The following CCDC91 variants were observed in gnomAD, a reference collection of about 807,000 sequenced individuals.
CCDC91 encodes the protein coiled-coil domain containing 91.
Under a neutral mutation model 63.2 loss-of-function variants are expected in CCDC91, and 48 were observed. The ratio of observed to expected loss-of-function variants is 0.76; its 90% CI spans 0.60 to 0.97. The LOEUF (loss-of-function observed/expected upper bound fraction) is 0.97. Among genes scored for constraint, CCDC91 ranks in the 50% least tolerant of loss-of-function variants. The pLI, the probability that CCDC91 is intolerant of heterozygous loss-of-function variation, is 0.00. For synonymous variants in CCDC91, 167 were observed against 165.8 expected (o/e 1.01, Z -0.06); for missense variants, 500 against 494.6 (o/e 1.01, Z -0.10).
chr12:28,258,968 CTAAT>C (rs1946640391), intron 2 of CCDC91, among the ~76,000 whole-genome samples: 2 of 151,926 alleles, frequency 1.3e-5, no homozygotes, highest in South Asian at 2.1e-4. Flanking sequence ...GGGTCTTGTG[CTAAT>C]TAATTAAAAG....
At chr12:28,391,851 T>C (rs1357587475) in intron 8 of CCDC91, among the ~76,000 whole-genome samples, 1 of 152,214 alleles carries the variant, frequency 6.6e-6, no homozygotes, top group East Asian at 1.9e-4. Context: ...CTTGATTTAA[T>C]ATCTTAGCTT....
chr12:28,513,900 G>A (rs1939652081), intron 12 of CCDC91, among the ~76,000 whole-genome samples: 1 of 151,800 alleles, frequency 6.6e-6, no homozygotes, highest in Non-Finnish European at 1.5e-5. Flanking sequence ...CTTTGCTATT[G>A]TGAATAGCAC....
intron 6 of CCDC91, among the ~76,000 whole-genome samples, chr12:28,308,965 A>G (rs1482294079): frequency 3.3e-5 from 5 of 151,904 alleles, no homozygotes; most frequent in Admixed American, 3.3e-4. Context: ...TTTCATTCCA[A>G]TATACATTTT....
At chr12:28,282,714 G>A (rs11049503) in intron 3 of CCDC91, among the ~76,000 whole-genome samples, 30,477 of 151,968 alleles carry the variant, frequency 0.2, 4,005 homozygotes, top group Non-Finnish European at 0.3. Context: ...GTTTAATGAG[G>A]TTCAATTTAT....
rs1486938125 is a variant in CCDC91, at chr12:28,484,150, A to G, written c.1200A>G (p.Ile400Met). Reference protein sequence around the residue: ...KRTRDELIEYIKEQKRLDQVI... With the variant: ...KRTRDELIEYMKEQKRLDQVI... The stretch of plus-strand genomic sequence containing the variant: ...CAAGAGATGAATTGATAGAGTATAT[A>G]AAAGAACAGAAAAGGGTAAGTATCT... The change falls in exon 12 of 13, where the codon ATA (isoleucine) becomes ATG (methionine). Residue 400 changes from isoleucine to methionine, a missense_variant. By Grantham distance (10) the Ile-to-Met change is conservative (BLOSUM62 1). Coordinates refer to ENST00000536442, the MANE Select transcript of CCDC91 (RefSeq NM_018318.5). 6.3e-6 allele frequency: 10 copies of G among 1,593,442 alleles called. No homozygotes were observed. Among genetic ancestry groups the G allele is most frequent in the Non-Finnish European group, 5.1e-6 (6 of 1,165,812 alleles).
intron 1 of CCDC91, chr12:28,256,064 ATAATCAACATTTGGG>A (rs1946421186): frequency 6.6e-6 from 1 of 152,210 alleles, no homozygotes; most frequent in African/African-American, 2.4e-5. Flanking sequence ...CAAGGAAACT[ATAATCAACATTTGGG>A]TATGTTCACT....
At chr12:28,335,681 C>T (rs1403208743) in intron 6 of CCDC91, among the ~76,000 whole-genome samples, 1 of 151,920 alleles carries the variant, frequency 6.6e-6, no homozygotes, top group Non-Finnish European at 1.5e-5. Flanking sequence ...TACTGGATTA[C>T]AGGCAGGAGC....
rs1461671731 is a variant in CCDC91 at position 28,471,431 on chromosome 12, A to G, written c.1102-12621A>G. Among the ~76,000 whole-genome samples the G allele has an allele frequency of 2.6e-5, 4 of 152,296 alleles. No homozygotes were observed. In the East Asian group the frequency reaches 7.7e-4, roughly 29 times the overall value. On this transcript the variant is annotated intron_variant, in intron 11 of 12. Coordinates refer to ENST00000536442, the MANE Select transcript of CCDC91 (RefSeq NM_018318.5). ...CTGGAGGAGGTACTCTACCACAGCA[A>G]AGGGTAAACCAAGAAGAAATAATCC... is the stretch of plus-strand genomic sequence containing the variant.
chr12:28,451,624 A>G (rs1949806763), intron 10 of CCDC91, among the ~76,000 whole-genome samples: 1 of 151,744 alleles, frequency 6.6e-6, no homozygotes, highest in Admixed American at 6.6e-5. Context: ...TGGAGAAGAC[A>G]TGTAACTCAG....
intron 3 of CCDC91, among the ~76,000 whole-genome samples, chr12:28,296,103 T>A (rs897493794): frequency 1.3e-5 from 2 of 151,834 alleles, no homozygotes; most frequent in African/African-American, 4.8e-5. Context: ...TGCTGTGATA[T>A]TAAAGAAGCA....
chr12:28,365,937 A>G (rs1944243447), intron 7 of CCDC91, among the ~76,000 whole-genome samples: 1 of 152,180 alleles, frequency 6.6e-6, no homozygotes, highest in African/African-American at 2.4e-5. Flanking sequence ...GATGTAATCA[A>G]TCACTTTTTT....
chr12:28,443,236 G>A (rs1225512464), intron 8 of CCDC91, among the ~76,000 whole-genome samples: 10 of 145,460 alleles, frequency 6.9e-5, no homozygotes, highest in African/African-American at 2.3e-4. Context: ...AGGAGTCCTA[G>A]GCAAAAAAAA....
At chr12:28,350,804 T>A (rs1021186873) in intron 6 of CCDC91, among the ~76,000 whole-genome samples, 3 of 152,240 alleles carry the variant, frequency 2.0e-5, no homozygotes, top group African/African-American at 7.2e-5. Context: ...TTTCTGCTTC[T>A]ATCTTCTCCT....
intron 6 of CCDC91, among the ~76,000 whole-genome samples, chr12:28,333,648 C>T (rs960298700): frequency 6.6e-6 from 1 of 152,102 alleles, no homozygotes; most frequent in Non-Finnish European, 1.5e-5. Context: ...TAGAGATACT[C>T]CTCAGGGAAT....
At chr12:28,290,748 T>C (rs1286689625) in intron 3 of CCDC91, among the ~76,000 whole-genome samples, 3 of 152,210 alleles carry the variant, frequency 2.0e-5, no homozygotes, top group African/African-American at 7.2e-5. Context: ...TTTAAGGAGT[T>C]AAATGCTGAA....
intron 3 of CCDC91, among the ~76,000 whole-genome samples, chr12:28,296,785 A>G (rs929094395): frequency 1.3e-5 from 2 of 151,914 alleles, no homozygotes; most frequent in African/African-American, 2.4e-5. Flanking sequence ...TTTTTTAGTA[A>G]CATCTTCATA....
intron 1 of CCDC91, among the ~76,000 whole-genome samples, chr12:28,248,712 G>A (rs1945924174): frequency 6.6e-6 from 1 of 152,242 alleles, no homozygotes; most frequent in Non-Finnish European, 1.5e-5. Flanking sequence ...GTCTGAAGTT[G>A]AGCTGTGAAA....
intron 12 of CCDC91, among the ~76,000 whole-genome samples, chr12:28,492,666 A>G (rs1178896778): frequency 1.3e-5 from 2 of 151,644 alleles, no homozygotes; most frequent in Non-Finnish European, 3.0e-5. Context: ...TAACATGAAC[A>G]GCTAAGAGAA....
chr12:28,502,576 A>G (rs1425167882), intron 12 of CCDC91, among the ~76,000 whole-genome samples: 1 of 150,342 alleles, frequency 6.7e-6, no homozygotes, highest in Non-Finnish European at 1.5e-5. Context: ...GAATTGGAAA[A>G]AACTACTTTA....
Sources: gnomAD v4.1 joint callset for allele counts (sites outside exome capture counted in the v4.1 genomes callset) on GRCh38, gnomAD v4.1.1 for gene constraint, MANE v1.5 for transcripts, NCBI Gene and HGNC (gene_info 2026-07-23, HGNC 2026-07-21) for gene names.